SLC17A1: variants seen among roughly 807,000 people sequenced by gnomAD.
SLC17A1 encodes the protein sodium-dependent phosphate transport protein 1.
A neutral mutation model predicts 53.5 loss-of-function variants in SLC17A1; 51 were observed. That is an observed-to-expected ratio of 0.95 (90% CI 0.76 to 1.20). SLC17A1 has a LOEUF of 1.20. Among genes scored for constraint, SLC17A1 ranks in the 50% most tolerant of loss-of-function variants. The pLI is 0.00. For synonymous variants in SLC17A1, 179 were observed against 198.8 expected, an observed-to-expected ratio of 0.90 and a Z score of 0.84; for missense variants, 538 against 568.2, an observed-to-expected ratio of 0.95 and a Z score of 0.54.
At chr6:25,804,249 A>G (rs1763882164) in intron 10 of SLC17A1, among the ~76,000 whole-genome samples, 1 of 152,160 alleles carries the variant, frequency 6.6e-6, no homozygotes, top group Non-Finnish European at 1.5e-5. Context: ...GCTTCCTTAA[A>G]CAGAAAACAA....
chr6:25,760,541 T>A, the SLC17A1 span, among the ~76,000 whole-genome samples: 1 of 152,208 alleles, frequency 6.6e-6, no homozygotes, highest in Non-Finnish European at 1.5e-5. Context: ...TTCCTATCCG[T>A]TATTTCCTAA....
the SLC17A1 span, among the ~76,000 whole-genome samples, chr6:25,740,859 C>T: frequency 6.6e-6 from 1 of 152,102 alleles, no homozygotes; most frequent in African/African-American, 2.4e-5. Flanking sequence ...AAAAGGAAAT[C>T]CTGTCATTAG....
At chr6:25,817,886 C>T (rs1240767798) in intron 6 of SLC17A1, among the ~76,000 whole-genome samples, 1 of 152,300 alleles carries the variant, frequency 6.6e-6, no homozygotes, top group Non-Finnish European at 1.5e-5. Context: ...AAGGGGCTTA[C>T]GTTCCATCAC....
chr6:25,821,703 C>A (rs1384674332), intron 3 of SLC17A1, among the ~76,000 whole-genome samples: 1 of 152,156 alleles, frequency 6.6e-6, no homozygotes, highest in Non-Finnish European at 1.5e-5. Flanking sequence ...TGGTTTAAAT[C>A]CCCTGAGCTC....
chr6:25,752,713 G>C, the SLC17A1 span, among the ~76,000 whole-genome samples: 2 of 152,124 alleles, frequency 1.3e-5, no homozygotes, highest in South Asian at 4.1e-4. Context: ...AGCACTTTGC[G>C]AGGCTGAGGT....
intron 11 of SLC17A1, among the ~76,000 whole-genome samples, chr6:25,800,235 G>A (rs1042082179): frequency 2.0e-5 from 3 of 151,690 alleles, no homozygotes; most frequent in Non-Finnish European, 2.9e-5. Context: ...TCTTCTGCTT[G>A]TTCATTATAA....
the SLC17A1 span, among the ~76,000 whole-genome samples, chr6:25,731,407 G>A: frequency 2.0e-5 from 3 of 152,228 alleles, no homozygotes. Flanking sequence ...TTCCCTAAGT[G>A]GGGAGCTCCA....
the SLC17A1 span, among the ~76,000 whole-genome samples, chr6:25,738,809 A>C: frequency 6.6e-6 from 1 of 152,206 alleles, no homozygotes; most frequent in African/African-American, 2.4e-5. Context: ...GCTCATTAGG[A>C]AAGTGTAAAT....
chr6:25,784,348 A>G (rs1763333236), intron 12 of SLC17A1, among the ~76,000 whole-genome samples: 1 of 152,190 alleles, frequency 6.6e-6, no homozygotes, highest in South Asian at 2.1e-4. Flanking sequence ...ATTTTGGCTT[A>G]TGGTTCTGCA....
At chr6:25,789,022 T>C (rs935075837) in intron 12 of SLC17A1, among the ~76,000 whole-genome samples, 1 of 152,178 alleles carries the variant, frequency 6.6e-6, no homozygotes, top group Non-Finnish European at 1.5e-5. Context: ...TATACACATA[T>C]AGTCCCTAAC....
the SLC17A1 span, among the ~76,000 whole-genome samples, chr6:25,761,714 C>T: frequency 6.6e-5 from 10 of 152,100 alleles, no homozygotes; most frequent in African/African-American, 1.2e-4. Context: ...TTCTCACTTG[C>T]GAGATATAAA....
chr6:25,824,608 G>A (rs1230846723), intron 3 of SLC17A1, among the ~76,000 whole-genome samples: 5 of 151,692 alleles, frequency 3.3e-5, no homozygotes, highest in Non-Finnish European at 7.4e-5. Context: ...ACATGAAATA[G>A]TATAGTGTTA....
At chr6:25,730,693 G>A in the SLC17A1 span, among the ~76,000 whole-genome samples, 190 of 152,252 alleles carry the variant, frequency 1.2e-3, no homozygotes, top group African/African-American at 3.5e-3. Context: ...TTGCCATTCC[G>A]CGATGTATAC....
At chr6:25,768,017 A>G in the SLC17A1 span, among the ~76,000 whole-genome samples, 9 of 152,230 alleles carry the variant, frequency 5.9e-5, no homozygotes, top group East Asian at 3.8e-4. Flanking sequence ...CAATACTGGT[A>G]CATGGGTAGG....
At chr6:25,782,416 C>G (rs1404901009), downstream of SLC17A1, among the ~76,000 whole-genome samples, 1 of 152,052 alleles carries the variant, frequency 6.6e-6, no homozygotes, top group East Asian at 1.9e-4. Flanking sequence ...ACACAAAGAA[C>G]AACAGTATCA....
chr6:25,792,901 T>C (rs1763532717), intron 12 of SLC17A1, among the ~76,000 whole-genome samples: 1 of 152,178 alleles, frequency 6.6e-6, no homozygotes, highest in Admixed American at 6.6e-5. Context: ...AAACAGCATC[T>C]GTCCTGGTCT....
the SLC17A1 span, among the ~76,000 whole-genome samples, chr6:25,741,286 A>G: frequency 2.0e-5 from 3 of 151,968 alleles, no homozygotes; most frequent in East Asian, 1.9e-4. Flanking sequence ...TATACAAAAT[A>G]TGGCTGGGCA....
At chr6:25,829,509 T>C (rs923028736) in intron 2 of SLC17A1, among the ~76,000 whole-genome samples, 3 of 152,164 alleles carry the variant, frequency 2.0e-5, no homozygotes, top group Non-Finnish European at 4.4e-5. Flanking sequence ...TGCAGGAGTC[T>C]CTACATGGTA....
the SLC17A1 span, chr6:25,777,863 G>T: frequency 7.3e-7 from 1 of 1,363,428 alleles, no homozygotes; most frequent in Non-Finnish European, 1.0e-6. Flanking sequence ...CCCTCTCCCG[G>T]GTATTGAGAC....
Sources: allele counts gnomAD v4.1 joint callset (sites outside exome capture counted in the v4.1 genomes callset), GRCh38; gene constraint gnomAD v4.1.1; transcripts MANE v1.5; gene names NCBI Gene and HGNC (gene_info 2026-07-23, HGNC 2026-07-21).